CADPS2: variants seen among roughly 807,000 people sequenced by gnomAD.
CADPS2 encodes calcium dependent secretion activator 2.
Under a neutral mutation model 172.5 loss-of-function variants are expected in CADPS2, and 93 were observed. The observed-to-expected ratio is 0.54, with a 90% CI of 0.46 to 0.64. CADPS2 has a LOEUF of 0.64. Ranked by LOEUF, CADPS2 falls within the 30% of genes least tolerant of loss-of-function variation. CADPS2 has a pLI of 0.00. For synonymous variants in CADPS2, 546 were observed against 555.2 expected (o/e 0.98, Z 0.23); for missense variants, 1,420 against 1,565.9 (o/e 0.91, Z 1.57).
intron 6 of CADPS2, among the ~76,000 whole-genome samples, chr7:122,583,544 TA>T (rs1226060293): frequency 6.6e-6 from 1 of 151,660 alleles, no homozygotes; most frequent in Non-Finnish European, 1.5e-5. Flanking sequence ...AAAATTCCCA[TA>T]TTTATTAGAC....
At chr7:122,587,425 T>G (rs982944873) in intron 6 of CADPS2, among the ~76,000 whole-genome samples, 9 of 152,132 alleles carry the variant, frequency 5.9e-5, no homozygotes, top group African/African-American at 2.2e-4. Flanking sequence ...TTCATCCATG[T>G]CCCTGCAAAG....
chr7:122,420,890 T>C (rs1391260219), intron 17 of CADPS2: 2 of 152,204 alleles, frequency 1.3e-5, no homozygotes. Context: ...TCCATACATT[T>C]AAGAAGAGAT....
chr7:122,480,167 A>C (rs1320748404), intron 12 of CADPS2: 6 of 468,034 alleles, frequency 1.3e-5, no homozygotes, highest in Middle Eastern at 3.2e-4. Context: ...CTTCCCTTAG[A>C]ATTTTTATAT....
Position 122,580,003 on chromosome 7 carries a change from A to C in CADPS2, c.1335+1176T>G, listed in dbSNP as rs1016364912. Among the ~76,000 whole-genome samples the C allele has an allele frequency of 2.6e-5, 4 of 152,238 alleles. No homozygotes were observed. In the East Asian group the frequency reaches 7.8e-4, roughly 30 times the overall value. On this transcript the variant is annotated intron_variant, in intron 7 of 29. Transcript: ENST00000449022. ...AATCCTGACTTCAGTTTTTTAAAAA[A>C]TTTCTAGTATACAGAATGATCCTAG...
chr7:122,843,743 G>A (rs1302587916), intron 1 of CADPS2, among the ~76,000 whole-genome samples: 1 of 152,172 alleles, frequency 6.6e-6, no homozygotes, highest in Non-Finnish European at 1.5e-5. Flanking sequence ...GAAAAAAGGA[G>A]AGCTGACTAA....
intron 3 of CADPS2, 97 bp downstream of exon 3, chr7:122,663,140 A>G (rs1168205636): frequency 1.1e-6 from 1 of 889,128 alleles, no homozygotes; most frequent in Non-Finnish European, 1.7e-6. Flanking sequence ...AAGTAAAGTG[A>G]TTATAGCAAG....
chr7:122,629,221 T>C (rs1292536412), intron 4 of CADPS2, 27 bp downstream of exon 4: 1 of 1,561,128 alleles, frequency 6.4e-7, no homozygotes. Flanking sequence ...AGGAATGTCA[T>C]ACAGTATGTC....
chr7:122,771,156 C>A (rs1001083907), intron 1 of CADPS2, among the ~76,000 whole-genome samples: 1 of 152,290 alleles, frequency 6.6e-6, no homozygotes, highest in Admixed American at 6.5e-5. Flanking sequence ...GGAAACATAA[C>A]CTGCAGTAGG....
At chr7:122,589,432 CAATT>C (rs939568435) in intron 6 of CADPS2, among the ~76,000 whole-genome samples, 1 of 151,722 alleles carries the variant, frequency 6.6e-6, no homozygotes, top group African/African-American at 2.4e-5. Flanking sequence ...TTAATATAAG[CAATT>C]AAGGCAGTCT....
intron 28 of CADPS2, among the ~76,000 whole-genome samples, chr7:122,345,280 T>C (rs991712776): frequency 6.6e-6 from 1 of 152,026 alleles, no homozygotes; most frequent in African/African-American, 2.4e-5. Context: ...CATCTACCAC[T>C]ACACCCAGCT....
At chr7:122,420,479 T>A (rs1204964399) in intron 17 of CADPS2, among the ~76,000 whole-genome samples, 1 of 152,258 alleles carries the variant, frequency 6.6e-6, no homozygotes, top group Non-Finnish European at 1.5e-5. Flanking sequence ...AAGTACTCTG[T>A]GTATCCCGTC....
chr7:122,645,307 ACATGTGTG>A lies in CADPS2; in HGVS notation c.787-15987_787-15980del, dbSNP rs1350361765. On this transcript the variant is annotated intron_variant, in intron 3 of 29. Coordinates refer to ENST00000449022, the MANE Select transcript of CADPS2 (RefSeq NM_017954.11). ...CATATGTACATATATACACATATGT[ACATGTGTG>A]TATACATGTACATATATACACACAT... 2.2e-4 allele frequency among the ~76,000 whole-genome samples: 30 copies of A among 136,690 alleles called. 1 individual carries two copies. Among genetic ancestry groups the A allele is most frequent in the Admixed American group, 2.9e-4 (4 of 13,604 alleles). 89.7% of individuals were successfully genotyped at this position (136,690 alleles called of 152,430 possible).
At chr7:122,790,412 AAAAAG>A (rs1396598598) in intron 1 of CADPS2, among the ~76,000 whole-genome samples, 4 of 151,762 alleles carry the variant, frequency 2.6e-5, no homozygotes, top group Admixed American at 2.0e-4. Flanking sequence ...AAAAAAAAAA[AAAAAG>A]AAAAGAATTA....
chr7:122,761,373 C>G (rs1023364647), intron 1 of CADPS2, among the ~76,000 whole-genome samples: 7 of 151,176 alleles, frequency 4.6e-5, no homozygotes, highest in African/African-American at 1.7e-4. Flanking sequence ...ATAAATATAG[C>G]TGATGGCCAG....
intron 6 of CADPS2, among the ~76,000 whole-genome samples, chr7:122,606,990 T>C (rs1483022816): frequency 6.6e-6 from 1 of 152,100 alleles, no homozygotes; most frequent in African/African-American, 2.4e-5. Context: ...GAGTTACATG[T>C]GGACACCTGA....
At chr7:122,625,796 C>CAT (rs1478662259) in intron 4 of CADPS2, among the ~76,000 whole-genome samples, 20 of 152,130 alleles carry the variant, frequency 1.3e-4, no homozygotes, top group Non-Finnish European at 2.8e-4. Context: ...CACACACACA[C>CAT]ATATATATAC....
intron 8 of CADPS2, among the ~76,000 whole-genome samples, chr7:122,542,184 G>A (rs1291832817): frequency 1.3e-5 from 2 of 151,934 alleles, no homozygotes. Flanking sequence ...GGCACAGGGA[G>A]GTTAAGTAAC....
At chr7:122,512,966 G>T (rs1233013091) in intron 9 of CADPS2, among the ~76,000 whole-genome samples, 2 of 152,092 alleles carry the variant, frequency 1.3e-5, no homozygotes, top group African/African-American at 4.8e-5. Context: ...ATTGAATGCA[G>T]AAGCTGATGC....
chr7:122,774,178 T>G (rs919957082), intron 1 of CADPS2, among the ~76,000 whole-genome samples: 3 of 151,740 alleles, frequency 2.0e-5, no homozygotes, highest in African/African-American at 7.3e-5. Context: ...TCTAAATTAT[T>G]GAAAGTTGAT....
Sources: allele counts gnomAD v4.1 joint callset (sites outside exome capture counted in the v4.1 genomes callset), GRCh38; gene constraint gnomAD v4.1.1; transcripts MANE v1.5; gene names NCBI Gene and HGNC (gene_info 2026-07-23, HGNC 2026-07-21).